Variants in CELF2 observed in about 807,000 individuals in gnomAD.
CELF2 encodes the protein CUG triplet repeat RNA-binding protein 2.
CELF2 carries 8 observed loss-of-function variants against 62.6 expected under a neutral mutation model. That is an observed-to-expected ratio of 0.13 (90% CI 0.07 to 0.23). The LOEUF (loss-of-function observed/expected upper bound fraction) is 0.23. Among genes scored for constraint, CELF2 ranks in the 10% least tolerant of loss-of-function variants. The pLI is 1.00. For synonymous variants in CELF2, 258 were observed against 250.0 expected (o/e 1.03, Z -0.30); for missense variants, 333 against 671.0 (o/e 0.50, Z 5.56).
At chr10:10,902,754 T>C (rs1320120922) in intron 1 of CELF2, among the ~76,000 whole-genome samples, 3 of 151,538 alleles carry the variant, frequency 2.0e-5, no homozygotes, top group Non-Finnish European at 2.9e-5. Flanking sequence ...AGTTACACCT[T>C]AGTAAAGCTC....
At position 10,934,050 on chromosome 10, in the gene CELF2, A is replaced by G. The variant is rs897905609; in HGVS notation, c.89+14051A>G. Reference sequence around the variant, plus strand: ...TTCCGTAATGGCTATGCTAATGTACATTCCCACAAACAGTATACAAGGGTT... The same window carrying G: ...TTCCGTAATGGCTATGCTAATGTACGTTCCCACAAACAGTATACAAGGGTT... On this transcript the variant is annotated intron_variant, in intron 2 of 13. Transcript: ENST00000636488. The surrounding 1 kb of genome is among the most constrained non-coding windows in gnomAD (Gnocchi z 4.4). Among the ~76,000 whole-genome samples, 1 of 152,212 alleles carries G rather than the reference A, an allele frequency of 6.6e-6. No individual in the cohort carries two copies. The highest frequency in any genetic ancestry group is 1.5e-5 in the Non-Finnish European group (1 of 68,038).
the CELF2 span, among the ~76,000 whole-genome samples, chr10:10,578,181 A>G: frequency 1.3e-5 from 2 of 152,054 alleles, no homozygotes; most frequent in Non-Finnish European, 2.9e-5. Context: ...GTCTGTTCAT[A>G]TCCTTCACCC....
At position 11,332,456 on chromosome 10, in the gene CELF2, A is replaced by T. The variant is rs2096045964; in HGVS notation, c.*3403A>T. 6.6e-6 allele frequency: 1 copy of T among 152,492 alleles called. No individual in the cohort carries two copies. The highest frequency in any genetic ancestry group is 2.4e-5 in the African/African-American group (1 of 41,414). The allele number at this position is 152,492 out of a possible 1,614,324, so 9.4% of individuals were successfully genotyped here. ...TGGTTTTTTTAATTGAACACATTTC[A>T]TCTAAGTAAAGCTCAGTTCTTTATC... is the stretch of plus-strand genomic sequence containing the variant. On this transcript the variant is annotated 3_prime_UTR_variant, in exon 13 of 13. Transcript: ENST00000633077.
chr10:10,802,002 T>A (rs1309321145), intron 1 of CELF2, among the ~76,000 whole-genome samples: 1 of 152,106 alleles, frequency 6.6e-6, no homozygotes, highest in Admixed American at 6.6e-5. Flanking sequence ...CCAAGGGACA[T>A]AAAAGAAACC....
intron 2 of CELF2, among the ~76,000 whole-genome samples, chr10:10,954,589 G>T (rs80195374): frequency 6.6e-6 from 1 of 152,214 alleles, no homozygotes; most frequent in African/African-American, 2.4e-5. Flanking sequence ...CCATTTTCCC[G>T]ATCCAGCAAT....
chr10:10,969,555 A>AT (rs1373921421), intron 2 of CELF2, among the ~76,000 whole-genome samples: 2 of 152,082 alleles, frequency 1.3e-5, no homozygotes, highest in South Asian at 2.1e-4. Context: ...ACAATATTGC[A>AT]TTCCTTCTCC....
At chr10:10,979,589 T>C (rs1564302376) in intron 2 of CELF2, among the ~76,000 whole-genome samples, 1 of 149,558 alleles carries the variant, frequency 6.7e-6, no homozygotes, top group African/African-American at 2.5e-5. Flanking sequence ...GAGGATAGTT[T>C]GAGCCTGGGA....
chr10:11,262,320 C>T (rs1408324388), intron 5 of CELF2, among the ~76,000 whole-genome samples: 1 of 152,164 alleles, frequency 6.6e-6, no homozygotes, highest in Non-Finnish European at 1.5e-5. Context: ...AGGAGGACCA[C>T]TTGAGCCTGG....
chr10:10,465,925 A>G, the CELF2 span, among the ~76,000 whole-genome samples: 2,324 of 152,210 alleles, frequency 0.015, 38 homozygotes, highest in Middle Eastern at 0.058. Flanking sequence ...TTTCTTCATT[A>G]TCATGTTAAT....
chr10:10,731,999 G>C, the CELF2 span, among the ~76,000 whole-genome samples: 1 of 152,070 alleles, frequency 6.6e-6, no homozygotes, highest in Non-Finnish European at 1.5e-5. Context: ...AACCCTACAA[G>C]ATACTAGCAG....
chr10:10,926,523 C>G (rs1175448255), intron 2 of CELF2, among the ~76,000 whole-genome samples: 1 of 152,216 alleles, frequency 6.6e-6, no homozygotes, highest in Admixed American at 6.5e-5. Flanking sequence ...TATAACAGCA[C>G]AAAACGGACT....
the CELF2 span, among the ~76,000 whole-genome samples, chr10:10,642,926 C>G: frequency 6.6e-6 from 1 of 152,250 alleles, no homozygotes; most frequent in African/African-American, 2.4e-5. Context: ...CATGGATTGC[C>G]TCTCAGCCAG....
chr10:10,666,545 C>T, the CELF2 span, among the ~76,000 whole-genome samples: 1 of 152,170 alleles, frequency 6.6e-6, no homozygotes, highest in South Asian at 2.1e-4. Flanking sequence ...CCAAGATTCT[C>T]ACCTAAGGAG....
At chr10:11,106,354 A>T (rs2053496346) in intron 1 of CELF2, among the ~76,000 whole-genome samples, 1 of 152,086 alleles carries the variant, frequency 6.6e-6, no homozygotes, top group Non-Finnish European at 1.5e-5. Flanking sequence ...CTCCTGCCTC[A>T]GCCTCCCAAG....
intron 2 of CELF2, among the ~76,000 whole-genome samples, chr10:10,975,284 A>T (rs1196755762): frequency 6.6e-6 from 1 of 152,028 alleles, no homozygotes; most frequent in African/African-American, 2.4e-5. Context: ...CGCCCAGCTA[A>T]TTTTTTAATT....
the CELF2 span, among the ~76,000 whole-genome samples, chr10:10,471,077 C>T: frequency 4.0e-5 from 6 of 151,348 alleles, no homozygotes; most frequent in Non-Finnish European, 7.4e-5. Flanking sequence ...CTAGATGTTT[C>T]ATTATTGCTG....
rs1002221736 is a variant in CELF2, at chr10:10,928,493, A to AAT, written c.89+8507_89+8508dup. Among the ~76,000 whole-genome samples the AAT allele has an allele frequency of 1.6e-4, 24 of 151,506 alleles. No individual in the cohort carries two copies. The highest frequency in any genetic ancestry group is 1.2e-3 in the East Asian group (6 of 5,160). ...ATCTAGATAGTGGCCTGTGCTTATA[A>AAT]ATATATATATATATGAACACAGCCA... On this transcript the variant is annotated intron_variant, in intron 2 of 13. Coordinates refer to the CELF2 transcript ENST00000636488. This position sits in a 1 kb window ranked among gnomAD's most constrained non-coding sequence, Gnocchi z 4.8.
At position 11,325,320 on chromosome 10, in the gene CELF2, GTT is replaced by G. The variant is rs558720058; in HGVS notation, c.1295-515_1295-514del. Among the ~76,000 whole-genome samples, 36 of 152,362 alleles carry G rather than the reference GTT, an allele frequency of 2.4e-4. 1 individual carries two copies. Among genetic ancestry groups the G allele is most frequent in the African/African-American group, 8.7e-4 (36 of 41,582 alleles). ...AATAAAGATGATTATTAGACTGTGT[GTT>G]AAGAGATTTGGCAAATCAAAACTGG... On this transcript the variant is annotated intron_variant, in intron 11 of 12. Transcript: ENST00000633077.
chr10:10,694,971 G>C, the CELF2 span, among the ~76,000 whole-genome samples: 1 of 151,046 alleles, frequency 6.6e-6, no homozygotes, highest in Non-Finnish European at 1.5e-5. Flanking sequence ...TATCCAATTT[G>C]CCAGTCTGTG....
Sources: gnomAD v4.1 joint callset for allele counts (sites outside exome capture counted in the v4.1 genomes callset) on GRCh38, gnomAD v4.1.1 for gene constraint, Gnocchi (gnomAD v3.1) non-coding constraint, MANE v1.5 for transcripts, NCBI Gene and HGNC (gene_info 2026-07-23, HGNC 2026-07-21) for gene names.